The following GGACT variants were observed in gnomAD, a reference collection of about 807,000 sequenced individuals.
The protein encoded by GGACT is gamma-glutamylamine cyclotransferase.
For synonymous variants in GGACT, 118 were observed against 115.3 expected, an observed-to-expected ratio of 1.02 and a Z score of -0.15; for missense variants, 241 against 233.2, an observed-to-expected ratio of 1.03 and a Z score of -0.22.
chr13:100,581,509 AGTATCTG>A (rs1875415610), intron 2 of GGACT, among the ~76,000 whole-genome samples: 1 of 152,266 alleles, frequency 6.6e-6, no homozygotes, highest in Non-Finnish European at 1.5e-5. Context: ...GTATAATATA[AGTATCTG>A]TGAGTCCATA....
intron 2 of GGACT, among the ~76,000 whole-genome samples, chr13:100,567,398 C>T (rs1334086524): frequency 6.6e-6 from 1 of 152,184 alleles, no homozygotes; most frequent in Non-Finnish European, 1.5e-5. Context: ...GGGGTGAATT[C>T]CAGCAAGCTT....
intron 2 of GGACT, among the ~76,000 whole-genome samples, chr13:100,572,841 T>C (rs1875127605): frequency 6.6e-6 from 1 of 152,216 alleles, no homozygotes; most frequent in Non-Finnish European, 1.5e-5. Flanking sequence ...TGCCCAGAGC[T>C]GTAGCTGTAT....
At chr13:100,548,623 C>G (rs2088629737) in intron 2 of GGACT, among the ~76,000 whole-genome samples, 1 of 152,174 alleles carries the variant, frequency 6.6e-6, no homozygotes, top group Non-Finnish European at 1.5e-5. Context: ...GATCAAGTCC[C>G]CTGGAGAGGG....
intron 2 of GGACT, among the ~76,000 whole-genome samples, chr13:100,552,187 G>C (rs889759907): frequency 6.6e-6 from 1 of 152,230 alleles, no homozygotes. Context: ...GATGGGGGCT[G>C]TCAGGGGCTC....
At chr13:100,542,708 C>T (rs190939866) in intron 2 of GGACT, among the ~76,000 whole-genome samples, 48 of 152,276 alleles carry the variant, frequency 3.2e-4, no homozygotes, top group Non-Finnish European at 5.6e-4. Flanking sequence ...CTAACTGGTC[C>T]GGACAATAGC....
chr13:100,547,857 C>T (rs1203349768), intron 2 of GGACT, among the ~76,000 whole-genome samples: 1 of 152,272 alleles, frequency 6.6e-6, no homozygotes, highest in Non-Finnish European at 1.5e-5. Context: ...AGGCCCCATG[C>T]ACACCAGCTG....
rs780618720 is a variant in GGACT, at chr13:100,532,593, C to A, written c.-2G>T. ...GCCGTACACGAAGACTAGGGCCATCCGGGCAGAGCTGCAGGGAGAGGGGAA... is the reference window on the plus strand; with the variant it reads ...GCCGTACACGAAGACTAGGGCCATCAGGGCAGAGCTGCAGGGAGAGGGGAA... On this transcript the variant is annotated 5_prime_UTR_variant, in exon 3 of 3. Coordinates refer to ENST00000683975, the MANE Select transcript of GGACT (RefSeq NM_001195087.2). The A allele has an allele frequency of 5.1e-5, 78 of 1,534,552 alleles. No homozygotes were observed. Among genetic ancestry groups the A allele is most frequent in the Non-Finnish European group, 6.5e-5 (74 of 1,135,996 alleles).
chr13:100,588,254 C>T (rs1263289315), intron 1 of GGACT, among the ~76,000 whole-genome samples: 1 of 152,170 alleles, frequency 6.6e-6, no homozygotes, highest in African/African-American at 2.4e-5. Flanking sequence ...CCAAAGAAAC[C>T]TTAGATCAGA....
chr13:100,585,212 G>A (rs374679781), intron 1 of GGACT, among the ~76,000 whole-genome samples: 22 of 152,336 alleles, frequency 1.4e-4, no homozygotes, highest in Non-Finnish European at 2.4e-4. Flanking sequence ...GAGGAAACCC[G>A]CCAAGGCTGC....
intron 1 of GGACT, among the ~76,000 whole-genome samples, chr13:100,587,335 T>C (rs1327757357): frequency 6.6e-6 from 1 of 152,208 alleles, no homozygotes; most frequent in African/African-American, 2.4e-5. Flanking sequence ...CTCTCCTAAC[T>C]AGTAGTAGTT....
chr13:100,569,246 C>T (rs1209473562), intron 2 of GGACT, among the ~76,000 whole-genome samples: 2 of 152,274 alleles, frequency 1.3e-5, no homozygotes, highest in African/African-American at 2.4e-5. Context: ...ACTGCCCTAG[C>T]AGAGGTTCTC....
At chr13:100,566,353 C>T (rs1292003195) in intron 2 of GGACT, among the ~76,000 whole-genome samples, 4 of 152,384 alleles carry the variant, frequency 2.6e-5, no homozygotes, top group African/African-American at 9.6e-5. Context: ...CCTCACACTG[C>T]CTGTGGTACT....
At chr13:100,554,097 G>A (rs1212021241) in intron 2 of GGACT, among the ~76,000 whole-genome samples, 1 of 152,148 alleles carries the variant, frequency 6.6e-6, no homozygotes, top group Non-Finnish European at 1.5e-5. Context: ...ATAATTAAGT[G>A]GAATTCAGAG....
intron 2 of GGACT, among the ~76,000 whole-genome samples, chr13:100,547,380 G>T (rs1461484345): frequency 6.6e-6 from 1 of 152,188 alleles, no homozygotes; most frequent in East Asian, 1.9e-4. Context: ...ATTGGGCAGC[G>T]GTTCCATGGG....
At chr13:100,533,097 C>A (rs935700766) in intron 2 of GGACT, among the ~76,000 whole-genome samples, 1 of 152,252 alleles carries the variant, frequency 6.6e-6, no homozygotes, top group Admixed American at 6.5e-5. Flanking sequence ...GGAACACAGT[C>A]CTGACCTGCT....
chr13:100,549,119 G>T (rs911910437), intron 2 of GGACT, among the ~76,000 whole-genome samples: 3 of 152,060 alleles, frequency 2.0e-5, no homozygotes, highest in African/African-American at 7.2e-5. Flanking sequence ...AGGCTGAGGC[G>T]GGTGGTTCAC....
chr13:100,561,769 C>A (rs1359254846), intron 2 of GGACT, among the ~76,000 whole-genome samples: 3 of 152,208 alleles, frequency 2.0e-5, no homozygotes, highest in Non-Finnish European at 4.4e-5. Context: ...CAGTGGGGGG[C>A]TGGGGCTCAC....
At chr13:100,577,639 A>G (rs1875291554) in intron 2 of GGACT, among the ~76,000 whole-genome samples, 1 of 152,166 alleles carries the variant, frequency 6.6e-6, no homozygotes, top group Admixed American at 6.5e-5. Context: ...AGTCCAAAAC[A>G]CAAAGGGAGG....
At chr13:100,569,505 C>T (rs911921624) in intron 2 of GGACT, among the ~76,000 whole-genome samples, 5 of 152,206 alleles carry the variant, frequency 3.3e-5, no homozygotes, top group Non-Finnish European at 4.4e-5. Flanking sequence ...GCACCATGTC[C>T]CGAGGCTGCA....
Sources: allele counts gnomAD v4.1 joint callset (sites outside exome capture counted in the v4.1 genomes callset), GRCh38; gene constraint gnomAD v4.1.1; transcripts MANE v1.5; gene names NCBI Gene and HGNC (gene_info 2026-07-23, HGNC 2026-07-21).